The following HMGCLL1 variants were observed in gnomAD, a reference collection of about 807,000 sequenced individuals.
HMGCLL1 encodes 3-hydroxymethyl-3-methylglutaryl-CoA lyase, cytoplasmic.
A neutral mutation model predicts 39.1 loss-of-function variants in HMGCLL1; 36 were observed. The observed-to-expected ratio is 0.92, with a 90% CI of 0.71 to 1.22. HMGCLL1 has a LOEUF of 1.22. Among genes scored for constraint, HMGCLL1 ranks in the 50% most tolerant of loss-of-function variants. The probability of loss-of-function intolerance (pLI) is 0.00; values close to 1 mark genes in which losing one functional copy is unlikely to be tolerated. For synonymous variants in HMGCLL1, 149 were observed against 144.0 expected (o/e 1.03, Z -0.25); for missense variants, 451 against 416.5 (o/e 1.08, Z -0.72).
At chr6:55,595,725 A>G in the HMGCLL1 span, among the ~76,000 whole-genome samples, 7 of 152,200 alleles carry the variant, frequency 4.6e-5, no homozygotes, top group Non-Finnish European at 8.8e-5. Context: ...TGGTTGGGAA[A>G]CACAAATAAT....
intron 1 of HMGCLL1, among the ~76,000 whole-genome samples, chr6:55,575,450 T>A (rs566926524): frequency 6.6e-6 from 1 of 152,268 alleles, no homozygotes; most frequent in Admixed American, 6.5e-5. Flanking sequence ...TTATCTCTAA[T>A]ATGTAAGCTG....
At chr6:55,623,000 T>A in the HMGCLL1 span, among the ~76,000 whole-genome samples, 1 of 152,220 alleles carries the variant, frequency 6.6e-6, no homozygotes, top group East Asian at 1.9e-4. Flanking sequence ...AGGTTGTATA[T>A]GTCTAGGAAT....
At chr6:55,655,490 T>C in the HMGCLL1 span, among the ~76,000 whole-genome samples, 5 of 151,610 alleles carry the variant, frequency 3.3e-5, no homozygotes, top group Admixed American at 2.6e-4. Context: ...TTTACAATGA[T>C]AAATAGATGA....
At chr6:55,599,933 T>C in the HMGCLL1 span, among the ~76,000 whole-genome samples, 1 of 152,342 alleles carries the variant, frequency 6.6e-6, no homozygotes, top group Non-Finnish European at 1.5e-5. Context: ...GTGAAAGGTG[T>C]TGGCTATCTT....
intron 1 of HMGCLL1, among the ~76,000 whole-genome samples, chr6:55,571,875 G>C (rs144022832): frequency 0.022 from 3,355 of 152,200 alleles, 56 homozygotes; most frequent in Middle Eastern, 0.092. Flanking sequence ...ATTAAAGCTA[G>C]AGAGTAATCA....
chr6:55,445,127 C>G (rs1219222535), intron 7 of HMGCLL1, among the ~76,000 whole-genome samples: 1 of 151,938 alleles, frequency 6.6e-6, no homozygotes, highest in Non-Finnish European at 1.5e-5. Flanking sequence ...CCTTTAAAGT[C>G]TCTCTTTTTA....
intron 7 of HMGCLL1, among the ~76,000 whole-genome samples, chr6:55,456,956 G>C (rs545467067): frequency 3.3e-5 from 5 of 152,302 alleles, no homozygotes; most frequent in Admixed American, 6.5e-5. Context: ...ACCTGAGAAA[G>C]AATGCCTCTT....
At chr6:55,629,065 C>T in the HMGCLL1 span, among the ~76,000 whole-genome samples, 1 of 152,122 alleles carries the variant, frequency 6.6e-6, no homozygotes, top group South Asian at 2.1e-4. Flanking sequence ...GACTTTGGAA[C>T]TGGGTAACAG....
chr6:55,638,335 A>T, the HMGCLL1 span, among the ~76,000 whole-genome samples: 1 of 151,098 alleles, frequency 6.6e-6, no homozygotes, highest in Middle Eastern at 3.4e-3. Flanking sequence ...TGAACCCTGG[A>T]GGCATAGGTT....
chr6:55,528,219 T>C (rs1768426365), intron 3 of HMGCLL1, among the ~76,000 whole-genome samples: 1 of 151,994 alleles, frequency 6.6e-6, no homozygotes, highest in Admixed American at 6.6e-5. Context: ...TAACTGACAG[T>C]ATTACTTTCT....
the HMGCLL1 span, among the ~76,000 whole-genome samples, chr6:55,588,326 G>C: frequency 6.6e-6 from 1 of 151,856 alleles, no homozygotes; most frequent in African/African-American, 2.4e-5. Flanking sequence ...ACGAAATGAA[G>C]GCAGAAATAA....
chr6:55,460,394 A>T (rs1253030307), intron 7 of HMGCLL1, among the ~76,000 whole-genome samples: 1 of 152,006 alleles, frequency 6.6e-6, no homozygotes, highest in Non-Finnish European at 1.5e-5. Context: ...ACATTACTAG[A>T]GACAAATGAC....
chr6:55,513,758 G>C, intron 5 of HMGCLL1: 1 of 399,302 alleles, frequency 2.5e-6, no homozygotes. Flanking sequence ...TGAGATAAGA[G>C]GGCTGCATTT....
Position 55,439,488 on chromosome 6 carries a change from C to A in HMGCLL1, c.867G>T (p.Gly289=). 1 of 1,612,826 alleles carries A rather than the reference C, an allele frequency of 6.2e-7. No homozygotes were observed. The highest frequency in any genetic ancestry group is 1.1e-5 in the South Asian group (1 of 91,034). The change falls in exon 8 of 9, where the codon GGG becomes GGT. Residue 289 remains glycine (G), a synonymous_variant. Transcript: ENST00000274901. ...ATATCAAATCCTCAGTGGCTACATT[C>A]CCAGAAGCACCTTTTGCATAAGGGC... ...GGCPYAKGAS[G]NVATEDLIYM... is the part of the protein sequence containing the mutation.
chr6:55,444,313 C>A (rs1239657840), intron 7 of HMGCLL1, among the ~76,000 whole-genome samples: 1 of 151,846 alleles, frequency 6.6e-6, no homozygotes, highest in Non-Finnish European at 1.5e-5. Flanking sequence ...TTAACAAATC[C>A]TAGAAAATAA....
the HMGCLL1 span, among the ~76,000 whole-genome samples, chr6:55,674,269 T>C: frequency 6.6e-6 from 1 of 151,936 alleles, no homozygotes; most frequent in African/African-American, 2.4e-5. Flanking sequence ...CATTCTGGCC[T>C]TTATTTACAA....
At chr6:55,444,373 G>C (rs1398726774) in intron 7 of HMGCLL1, among the ~76,000 whole-genome samples, 2 of 151,942 alleles carry the variant, frequency 1.3e-5, no homozygotes, top group East Asian at 3.9e-4. Context: ...TCTTGGTTTT[G>C]TATAGGATAT....
At chr6:55,567,508 T>C (rs1771275673) in intron 1 of HMGCLL1, among the ~76,000 whole-genome samples, 1 of 152,142 alleles carries the variant, frequency 6.6e-6, no homozygotes, top group South Asian at 2.1e-4. Context: ...AAATCCCACC[T>C]GACCCTCACA....
intron 7 of HMGCLL1, among the ~76,000 whole-genome samples, chr6:55,489,116 C>T (rs1347672557): frequency 6.6e-6 from 1 of 151,730 alleles, no homozygotes; most frequent in African/African-American, 2.4e-5. Flanking sequence ...TATTCAGGGG[C>T]AAGAATGTAT....
Sources: gnomAD v4.1 joint callset for allele counts (sites outside exome capture counted in the v4.1 genomes callset) on GRCh38, gnomAD v4.1.1 for gene constraint, MANE v1.5 for transcripts, NCBI Gene and HGNC (gene_info 2026-07-23, HGNC 2026-07-21) for gene names.